Variants in RAE1 observed in about 807,000 individuals in gnomAD.
The protein encoded by RAE1 is ribonucleic acid export 1.
A neutral mutation model predicts 52.7 loss-of-function variants in RAE1; 13 were observed. That is an observed-to-expected ratio of 0.25 (90% CI 0.16 to 0.39). The LOEUF is 0.39. Ranked by LOEUF, RAE1 falls within the 10% of genes least tolerant of loss-of-function variation. RAE1 has a pLI of 1.00. For synonymous variants in RAE1, 164 were observed against 153.1 expected, an observed-to-expected ratio of 1.07 and a Z score of -0.52; for missense variants, 262 against 459.8, an observed-to-expected ratio of 0.57 and a Z score of 3.93.
intron 8 of RAE1, 114 bp from the exon 9 acceptor site, chr20:57,373,361 A>AT (rs577648541): frequency 1.7e-4 from 168 of 987,522 alleles, no homozygotes; most frequent in Admixed American, 1.3e-3. Context: ...TATTTGAGTG[A>AT]TTTTTTCTGG....
intron 7 of RAE1, among the ~76,000 whole-genome samples, 157 bp from the exon 8 acceptor site, chr20:57,368,548 C>T (rs2066990077): frequency 6.6e-6 from 1 of 152,178 alleles, no homozygotes; most frequent in Non-Finnish European, 1.5e-5. Context: ...GAATGTTCTA[C>T]TTTCAAATAC....
chr20:57,354,002 C>T (rs1262957971), intron 1 of RAE1, 30 bp from the exon 2 acceptor site: 1 of 1,572,118 alleles, frequency 6.4e-7, no homozygotes. Context: ...AAGAGAAAAC[C>T]CATCCTTAAC....
chr20:57,353,010 G>A (rs1487679509), intron 1 of RAE1, among the ~76,000 whole-genome samples: 1 of 152,170 alleles, frequency 6.6e-6, no homozygotes, highest in Non-Finnish European at 1.5e-5. Flanking sequence ...TTTTCATGAA[G>A]CTGAGGAAAC....
At chr20:57,353,973 A>G in intron 1 of RAE1, 59 bp from the exon 2 acceptor site, 1 of 1,422,302 alleles carries the variant, frequency 7.0e-7, no homozygotes. Flanking sequence ...TTATCTTACC[A>G]TTGCCTCTCA....
chr20:57,377,982 T>G, intron 11 of RAE1, 31 bp from the exon 12 acceptor site: 1 of 1,504,108 alleles, frequency 6.6e-7, no homozygotes, highest in Non-Finnish European at 9.1e-7. Flanking sequence ...TTTTGAATAA[T>G]AAGATCATTG....
At chr20:57,352,464 G>A (rs2066724350) in intron 1 of RAE1, among the ~76,000 whole-genome samples, 1 of 152,202 alleles carries the variant, frequency 6.6e-6, no homozygotes, top group Non-Finnish European at 1.5e-5. Flanking sequence ...GCAGCAAGGC[G>A]GGAGAGAGCG....
intron 4 of RAE1, among the ~76,000 whole-genome samples, chr20:57,362,888 C>G (rs1357724321): frequency 6.6e-6 from 1 of 152,190 alleles, no homozygotes; most frequent in Non-Finnish European, 1.5e-5. Flanking sequence ...CTAAGTGATT[C>G]TCCTGCCTCA....
chr20:57,352,014 C>G, intron 1 of RAE1: 2 of 970,214 alleles, frequency 2.1e-6, no homozygotes, highest in Non-Finnish European at 2.5e-6. Flanking sequence ...TGGCTGCCCT[C>G]TTGGAGCCAG....
At chr20:57,355,982 A>T (rs113251055) in intron 3 of RAE1, among the ~76,000 whole-genome samples, 1,730 of 152,370 alleles carry the variant, frequency 0.011, 18 homozygotes, top group Non-Finnish European at 0.017. Context: ...TGGAAAGAAG[A>T]CTAAGAGCAC....
At position 57,354,629 on chromosome 20, in the gene RAE1, G is replaced by T. The variant is rs575109284; in HGVS notation, c.91-83G>T. On this transcript the variant is annotated intron_variant, in intron 2 of 11. Transcript: ENST00000395841. ...TTCTTGTACACAAGGAAAGGCCACC[G>T]TGAGGTAATTAGTGAGAAAGAAAAC... 4 of 953,758 alleles carry T rather than the reference G, an allele frequency of 4.2e-6. No homozygotes were observed. The Admixed American group carries it at 9.0e-5, about 21-fold the overall frequency. The allele number at this position is 953,758 out of a possible 1,614,324, so 59.1% of individuals were successfully genotyped here. A position where few individuals can be genotyped will look rare whatever the true frequency, so the allele number is the denominator to read the frequency against.
chr20:57,351,795 T>C, intron 1 of RAE1: 2 of 985,516 alleles, frequency 2.0e-6, no homozygotes, highest in Non-Finnish European at 2.4e-6. Flanking sequence ...CTCTTCCACG[T>C]CAACCTGCTC....
intron 8 of RAE1, 28 bp downstream of exon 8, chr20:57,368,840 T>C: frequency 6.5e-7 from 1 of 1,548,116 alleles, no homozygotes; most frequent in Non-Finnish European, 8.9e-7. Context: ...TCAAGAAGTA[T>C]GTATTTAGCA....
chr20:57,354,866 C>T (rs777254982), intron 3 of RAE1, 50 bp downstream of exon 3: 1 of 1,379,292 alleles, frequency 7.3e-7, no homozygotes, highest in Non-Finnish European at 9.9e-7. Flanking sequence ...CTTTGTATGG[C>T]CAAGGTTAGC....
chr20:57,359,029 C>T (rs1170210762), intron 4 of RAE1: 7 of 1,517,924 alleles, frequency 4.6e-6, no homozygotes, highest in East Asian at 2.5e-5. Context: ...GCTGAACCTT[C>T]GTGTGGCCAT....
At chr20:57,356,190 C>T (rs1207455921) in intron 3 of RAE1, among the ~76,000 whole-genome samples, 1 of 152,148 alleles carries the variant, frequency 6.6e-6, no homozygotes, top group African/African-American at 2.4e-5. Context: ...CTTTAAAAGA[C>T]ATATCTCATA....
At chr20:57,372,554 G>C (rs887361465) in intron 8 of RAE1, 2 of 152,272 alleles carry the variant, frequency 1.3e-5, no homozygotes, top group South Asian at 4.1e-4. Context: ...ATGTTTGTCA[G>C]TTTGCTTTAC....
intron 4 of RAE1, among the ~76,000 whole-genome samples, chr20:57,361,995 G>A (rs953188444): frequency 3.9e-5 from 6 of 152,196 alleles, no homozygotes; most frequent in Admixed American, 1.3e-4. Flanking sequence ...ACAGGAGCTC[G>A]AACCCTGTTG....
At chr20:57,358,693 G>C (rs6025513) in intron 4 of RAE1, 96,987 of 270,104 alleles carry the variant, frequency 0.36, 18,314 homozygotes, top group African/African-American at 0.47. Context: ...CAACATCGAG[G>C]TCGTAAACTC....
At chr20:57,362,320 GTCT>G (rs1478698098) in intron 4 of RAE1, among the ~76,000 whole-genome samples, 1 of 152,172 alleles carries the variant, frequency 6.6e-6, no homozygotes, top group African/African-American at 2.4e-5. Context: ...CCTGTAAAAT[GTCT>G]TCCTGACATA....
Sources: gnomAD v4.1 joint callset for allele counts (sites outside exome capture counted in the v4.1 genomes callset) on GRCh38, gnomAD v4.1.1 for gene constraint, MANE v1.5 for transcripts, NCBI Gene and HGNC (gene_info 2026-07-23, HGNC 2026-07-21) for gene names.